Variants in KIFC3 observed in about 807,000 individuals in gnomAD.
KIFC3 encodes the protein kinesin-like protein KIFC3.
KIFC3 carries 60 observed loss-of-function variants against 101.8 expected under a neutral mutation model. The ratio of observed to expected loss-of-function variants is 0.59; its 90% CI spans 0.48 to 0.73. KIFC3 has a LOEUF of 0.73. KIFC3 is among the 30% of genes least tolerant of loss of function. KIFC3 has a pLI of 0.00. For synonymous variants in KIFC3, 476 were observed against 482.7 expected (o/e 0.99, Z 0.18); for missense variants, 966 against 1,137.1 (o/e 0.85, Z 2.16).
intron 1 of KIFC3, among the ~76,000 whole-genome samples, chr16:57,858,927 G>A (rs2056236600): frequency 1.3e-5 from 2 of 151,964 alleles, no homozygotes; most frequent in Admixed American, 1.3e-4. Context: ...TCCAACCTGG[G>A]CAACAGAGCA....
chr16:57,827,121 T>G (rs2055474992), intron 1 of KIFC3, among the ~76,000 whole-genome samples: 1 of 152,216 alleles, frequency 6.6e-6, no homozygotes, highest in Non-Finnish European at 1.5e-5. Flanking sequence ...ATGGACCCCG[T>G]CATCTCTCAT....
intron 1 of KIFC3, among the ~76,000 whole-genome samples, chr16:57,828,413 A>G (rs1033884155): frequency 6.6e-6 from 1 of 152,204 alleles, no homozygotes; most frequent in South Asian, 2.1e-4. Flanking sequence ...CTGTGTGCAG[A>G]TGTGGCCATG....
intron 6 of KIFC3, 71 bp from the exon 7 acceptor site, chr16:57,770,771 G>T: frequency 7.9e-7 from 1 of 1,264,994 alleles, no homozygotes; most frequent in Non-Finnish European, 1.0e-6. Context: ...CTGAGACGCA[G>T]CAGGCCAGGG....
chr16:57,803,090 A>G (rs1051492954), upstream of KIFC3: 1 of 1,479,714 alleles, frequency 6.8e-7, no homozygotes, highest in Non-Finnish European at 9.1e-7. Flanking sequence ...TTCTAGCCAC[A>G]GCACTTCCTA....
At chr16:57,790,175 G>A (rs1555619782) in intron 3 of KIFC3, among the ~76,000 whole-genome samples, 2 of 150,274 alleles carry the variant, frequency 1.3e-5, no homozygotes, top group African/African-American at 2.5e-5. Context: ...GACTTCCTGG[G>A]CTCAAGCAAT....
intron 1 of KIFC3, among the ~76,000 whole-genome samples, chr16:57,848,824 T>C (rs1202331335): frequency 6.6e-6 from 1 of 152,226 alleles, no homozygotes; most frequent in Non-Finnish European, 1.5e-5. Flanking sequence ...AGGTTTTCTC[T>C]AAATAAATAC....
chr16:57,852,133 CT>C (rs1381192941), intron 1 of KIFC3, among the ~76,000 whole-genome samples: 1 of 151,904 alleles, frequency 6.6e-6, no homozygotes, highest in Non-Finnish European at 1.5e-5. Flanking sequence ...TTTGGTCTCA[CT>C]TTTATGTTAG....
At chr16:57,855,963 A>C (rs2056156743) in intron 1 of KIFC3, among the ~76,000 whole-genome samples, 1 of 151,198 alleles carries the variant, frequency 6.6e-6, no homozygotes, top group Non-Finnish European at 1.5e-5. Flanking sequence ...AAAAAAAACC[A>C]AAAACAAAAA....
chr16:57,760,064 C>T (rs2049645571), intron 17 of KIFC3: 23 of 631,852 alleles, frequency 3.6e-5, no homozygotes, highest in African/African-American at 1.7e-4. Context: ...GCCACCCCCA[C>T]GGCCAGCTCG....
intron 4 of KIFC3, 111 bp from the exon 5 acceptor site, chr16:57,771,797 G>T: frequency 7.7e-7 from 1 of 1,302,384 alleles, no homozygotes. Flanking sequence ...GAGGTGTGGA[G>T]AAAGGCAGAG....
At chr16:57,827,514 T>TCC (rs2055484118) in intron 1 of KIFC3, among the ~76,000 whole-genome samples, 1 of 152,162 alleles carries the variant, frequency 6.6e-6, no homozygotes. Flanking sequence ...CCTTCCCTTC[T>TCC]CCTGCCTGTC....
intron 1 of KIFC3, among the ~76,000 whole-genome samples, chr16:57,801,714 C>T (rs115547443): frequency 0.018 from 2,714 of 152,336 alleles, 94 homozygotes; most frequent in African/African-American, 0.062. Context: ...TAATTAAACA[C>T]AGCTTCCTCT....
rs2050898664 is a variant in KIFC3 at position 57,769,572 on chromosome 16, T to G, written c.1218+23A>C. The stretch of plus-strand genomic sequence containing the variant: ...CAGTGCACCCCCTTAGCCTGGACCC[T>G]CCCACCCACTGCCCTCGCTCACCTC... On this transcript the variant is annotated intron_variant, in intron 9 of 19. Coordinates refer to ENST00000445690, the MANE Select transcript of KIFC3 (RefSeq NM_001130100.2). This position sits in a 1 kb window ranked among gnomAD's most constrained non-coding sequence, Gnocchi z 4.3. The G allele has an allele frequency of 1.9e-6, 3 of 1,601,402 alleles. No homozygotes were observed. The highest frequency in any genetic ancestry group is 2.6e-6 in the Non-Finnish European group (3 of 1,175,844).
At chr16:57,761,897 G>A (rs1417570323) in intron 13 of KIFC3, among the ~76,000 whole-genome samples, 1 of 151,298 alleles carries the variant, frequency 6.6e-6, no homozygotes, top group East Asian at 2.0e-4. Context: ...GTCCCTTGAC[G>A]GCCTCATCTG....
intron 19 of KIFC3, 42 bp from the exon 20 acceptor site, chr16:57,758,951 A>C (rs199741228): frequency 2.3e-4 from 347 of 1,537,052 alleles, no homozygotes; most frequent in Non-Finnish European, 2.9e-4. Context: ...CCACTTGCCC[A>C]CCGGCAGCCC....
chr16:57,809,421 G>A (rs2055014391), intron 1 of KIFC3, among the ~76,000 whole-genome samples: 1 of 152,294 alleles, frequency 6.6e-6, no homozygotes, highest in Non-Finnish European at 1.5e-5. Flanking sequence ...TCAGCCTCCC[G>A]TGTACTGGAA....
intron 1 of KIFC3, among the ~76,000 whole-genome samples, chr16:57,855,807 G>A (rs190323820): frequency 1.9e-4 from 29 of 151,598 alleles, no homozygotes; most frequent in African/African-American, 5.8e-4. Context: ...TTAGCTCAGC[G>A]TGGTGGCACA....
At chr16:57,799,925 G>A (rs1338600403) in intron 1 of KIFC3, among the ~76,000 whole-genome samples, 1 of 152,102 alleles carries the variant, frequency 6.6e-6, no homozygotes, top group Non-Finnish European at 1.5e-5. Flanking sequence ...GAGGGAGAAG[G>A]GCAGATGGCA....
Position 57,798,301 on chromosome 16 carries a change from G to A in KIFC3, c.-39-19C>T, listed in dbSNP as rs1396413383. On this transcript the variant is annotated intron_variant, in intron 1 of 19. Transcript: ENST00000445690. The stretch of plus-strand genomic sequence containing the variant: ...AGGCAGCCTGCGGAGAGAACAAGGG[G>A]AGATAAGCTTGAAGACCGTGGACCA... 7.1e-6 allele frequency: 11 copies of A among 1,542,332 alleles called. No individual in the cohort carries two copies. Among genetic ancestry groups the A allele is most frequent in the Non-Finnish European group, 9.6e-6 (11 of 1,145,352 alleles).
Sources: gnomAD v4.1 joint callset for allele counts (sites outside exome capture counted in the v4.1 genomes callset) on GRCh38, gnomAD v4.1.1 for gene constraint, Gnocchi (gnomAD v3.1) non-coding constraint, MANE v1.5 for transcripts, NCBI Gene and HGNC (gene_info 2026-07-23, HGNC 2026-07-21) for gene names.